The following AOPEP variants were observed in gnomAD, a reference collection of about 807,000 sequenced individuals.
AOPEP encodes aminopeptidase O (putative), also known as aminopeptidase O.
AOPEP carries 77 observed loss-of-function variants against 98.1 expected under a neutral mutation model. That is an observed-to-expected ratio of 0.78 (90% CI 0.65 to 0.95). AOPEP has a LOEUF of 0.95. Among genes scored for constraint, AOPEP ranks in the 40% least tolerant of loss-of-function variants. The probability of loss-of-function intolerance (pLI) is 0.00; values close to 1 mark genes in which losing one functional copy is unlikely to be tolerated. For synonymous variants in AOPEP, 346 were observed against 365.3 expected (o/e 0.95, Z 0.60); for missense variants, 1,024 against 1,024.7 (o/e 1.00, Z 0.01).
intron 16 of AOPEP, chr9:95,083,125 G>A: frequency 5.6e-6 from 1 of 178,466 alleles, no homozygotes; most frequent in Non-Finnish European, 1.2e-5. Context: ...AGGAGTTTAA[G>A]CGGCCGTGTG....
At chr9:94,940,879 G>A (rs889314551) in intron 7 of AOPEP, among the ~76,000 whole-genome samples, 6 of 151,978 alleles carry the variant, frequency 3.9e-5, no homozygotes, top group African/African-American at 9.7e-5. Flanking sequence ...ACCACACAAG[G>A]CATCTGCTCC....
intron 13 of AOPEP, chr9:95,006,130 G>GT (rs2061998745): frequency 2.1e-6 from 1 of 470,702 alleles, no homozygotes; most frequent in Admixed American, 2.4e-5. Context: ...TAGAATTTCA[G>GT]TATGTTACTT....
intron 5 of AOPEP, among the ~76,000 whole-genome samples, chr9:94,914,239 A>G (rs2052476098): frequency 6.6e-6 from 1 of 152,212 alleles, no homozygotes; most frequent in African/African-American, 2.4e-5. Flanking sequence ...ATTATAAATG[A>G]CAAGGAGGCT....
Position 94,991,039 on chromosome 9 carries a change from C to T in AOPEP, c.1977+11612C>T, listed in dbSNP as rs55885575. ...ACATGGCTGCATACACAAGCATGAC[C>T]CCTTGGCTGTTTGACATCGCACAGC... On this transcript the variant is annotated intron_variant, in intron 11 of 16. Transcript: ENST00000375315. 5.2e-3 allele frequency among the ~76,000 whole-genome samples: 799 copies of T among 152,290 alleles called. 13 individuals are homozygous for T. The highest frequency in any genetic ancestry group is 0.043 in the East Asian group (223 of 5,184).
chr9:95,053,864 T>C (rs1564235), intron 13 of AOPEP, among the ~76,000 whole-genome samples: 138,227 of 151,990 alleles, frequency 0.91, 63,438 homozygotes, highest in Non-Finnish European at 0.97. Context: ...GGACTACAGA[T>C]GCATATCACC....
intron 9 of AOPEP, among the ~76,000 whole-genome samples, chr9:94,962,845 G>T (rs911947304): frequency 6.8e-6 from 1 of 147,456 alleles, no homozygotes; most frequent in African/African-American, 2.5e-5. Context: ...CCATTCTCCC[G>T]CCATTCTCCT....
chr9:94,819,873 CA>C (rs1719367079), intron 5 of AOPEP, among the ~76,000 whole-genome samples: 1 of 150,206 alleles, frequency 6.7e-6, no homozygotes, highest in African/African-American at 2.5e-5. Context: ...GTGCTCAGCC[CA>C]AAAGGGATTT....
At chr9:94,789,272 G>A (rs964893512) in intron 3 of AOPEP, among the ~76,000 whole-genome samples, 1 of 152,048 alleles carries the variant, frequency 6.6e-6, no homozygotes, top group African/African-American at 2.4e-5. Context: ...AGGTGGCCTC[G>A]GCCTCATACA....
chr9:94,831,701 C>T (rs61446634), intron 5 of AOPEP, among the ~76,000 whole-genome samples: 13,463 of 151,936 alleles, frequency 0.089, 708 homozygotes, highest in African/African-American at 0.13. Flanking sequence ...GAATGTTTTT[C>T]CATTTGTTTG....
chr9:95,111,250 C>T, the AOPEP span: 10 of 1,539,900 alleles, frequency 6.5e-6, no homozygotes, highest in South Asian at 1.2e-5. Context: ...GGGCTGGCAG[C>T]GTCTCGTCTC....
chr9:94,811,898 TTGTGCTGGCAAGTTGGGG>T (rs1168462152), intron 5 of AOPEP, among the ~76,000 whole-genome samples: 2 of 152,240 alleles, frequency 1.3e-5, no homozygotes, highest in African/African-American at 4.8e-5. Flanking sequence ...CCACACATGC[TTGTGCTGGCAAGTTGGGG>T]TGAGGAGAAT....
At chr9:95,037,537 A>G (rs1219167993) in intron 13 of AOPEP, among the ~76,000 whole-genome samples, 1 of 152,188 alleles carries the variant, frequency 6.6e-6, no homozygotes, top group Non-Finnish European at 1.5e-5. Context: ...TTTTTCTCAT[A>G]AGATATTCAC....
At chr9:94,730,263 G>C (rs983982547) in intron 1 of AOPEP, among the ~76,000 whole-genome samples, 1 of 144,504 alleles carries the variant, frequency 6.9e-6, no homozygotes, top group African/African-American at 2.6e-5. Context: ...CAGCCTGGGC[G>C]ACAGAGCGAG....
chr9:94,918,565 C>G (rs962881907), intron 5 of AOPEP, among the ~76,000 whole-genome samples: 17 of 152,196 alleles, frequency 1.1e-4, no homozygotes, highest in African/African-American at 3.9e-4. Flanking sequence ...AGAGTCCAGA[C>G]TGTGTGAGCT....
At chr9:94,994,874 G>A (rs780601403) in intron 11 of AOPEP, among the ~76,000 whole-genome samples, 12 of 152,072 alleles carry the variant, frequency 7.9e-5, no homozygotes, top group Admixed American at 7.9e-4. Context: ...TTGTTTGAAC[G>A]CAGGAGGTGG....
chr9:95,114,010 G>A, the AOPEP span: 32 of 161,164 alleles, frequency 2.0e-4, no homozygotes, highest in Admixed American at 7.4e-4. Context: ...TCACCTAAGC[G>A]CAGGAATTTG....
intron 5 of AOPEP, among the ~76,000 whole-genome samples, chr9:94,857,122 A>G (rs1003925195): frequency 6.6e-6 from 1 of 152,214 alleles, no homozygotes; most frequent in East Asian, 1.9e-4. Flanking sequence ...CTGAAAAAAT[A>G]TCTTTGCTCA....
At position 95,084,797 on chromosome 9, in the gene AOPEP, G is replaced by A. The variant is rs62581075; in HGVS notation, c.*5-1885G>A. Among the ~76,000 whole-genome samples, 191 of 147,786 alleles carry A rather than the reference G, an allele frequency of 1.3e-3. No homozygotes were observed. In the Middle Eastern group the frequency reaches 0.014, roughly 11 times the overall value. ...CAAGCCTGCCCCCCAACCAGTCCCCGTGAGGAACAGTGGCCGGGATTGTCC... is the reference window on the plus strand; with the variant it reads ...CAAGCCTGCCCCCCAACCAGTCCCCATGAGGAACAGTGGCCGGGATTGTCC... On this transcript the variant is annotated intron_variant, in intron 16 of 16. Transcript: ENST00000375315.
rs35234682 is a variant in AOPEP at position 94,856,641 on chromosome 9, TAA to T, written c.1364+55660_1364+55661del. Among the ~76,000 whole-genome samples the T allele has an allele frequency of 6.0e-3, 774 of 128,578 alleles. 8 individuals carry two copies. Among genetic ancestry groups the T allele is most frequent in the South Asian group, 0.041 (170 of 4,186 alleles). 84.4% of individuals were successfully genotyped at this position (128,578 alleles called of 152,430 possible). ...GGGCAGCAAGAGTGAAACTCCGTCT[TAA>T]AAAAAAAAAAAAAAAAAAAAGCAGG... On this transcript the variant is annotated intron_variant, in intron 5 of 16. Transcript: ENST00000375315.
Sources: gnomAD v4.1 joint callset for allele counts (sites outside exome capture counted in the v4.1 genomes callset) on GRCh38, gnomAD v4.1.1 for gene constraint, MANE v1.5 for transcripts, NCBI Gene and HGNC (gene_info 2026-07-23, HGNC 2026-07-21) for gene names.